PLPPR5: variants seen among roughly 807,000 people sequenced by gnomAD.
PLPPR5 encodes the protein phospholipid phosphatase-related protein type 5.
Under a neutral mutation model 33.9 loss-of-function variants are expected in PLPPR5, and 16 were observed. The observed-to-expected ratio is 0.47, with a 90% confidence interval of 0.32 to 0.72. The LOEUF is 0.72. Among genes scored for constraint, PLPPR5 ranks in the 30% least tolerant of loss-of-function variants. PLPPR5 has a pLI of 0.03. For missense variants in PLPPR5, 301 were observed against 406.7 expected (o/e 0.74, Z 2.23); for synonymous variants, 163 against 150.3 (o/e 1.08, Z -0.62).
intron 5 of PLPPR5, among the ~76,000 whole-genome samples, chr1:98,897,815 T>A (rs1484541881): frequency 6.6e-6 from 1 of 152,098 alleles, no homozygotes. Context: ...GAAATAGAGA[T>A]AAGAATACAT....
intron 3 of PLPPR5, among the ~76,000 whole-genome samples, chr1:98,947,645 G>A (rs1650606284): frequency 6.6e-6 from 1 of 152,158 alleles, no homozygotes; most frequent in African/African-American, 2.4e-5. Context: ...TGTGGGGAAA[G>A]GGAGACAGGG....
chr1:98,979,204 G>A (rs1651970972), intron 1 of PLPPR5, among the ~76,000 whole-genome samples: 1 of 151,994 alleles, frequency 6.6e-6, no homozygotes, highest in African/African-American at 2.4e-5. Context: ...ACTTCCTGAG[G>A]TCAGAAGAGC....
intron 1 of PLPPR5, among the ~76,000 whole-genome samples, chr1:98,992,507 CTG>C (rs1372195309): frequency 7.2e-5 from 11 of 152,078 alleles, no homozygotes; most frequent in Admixed American, 7.2e-4. Flanking sequence ...GAAAATCACA[CTG>C]TAAGAATTCA....
chr1:98,909,847 G>A (rs568625435), intron 5 of PLPPR5, among the ~76,000 whole-genome samples: 17 of 152,278 alleles, frequency 1.1e-4, no homozygotes, highest in Admixed American at 3.3e-4. Flanking sequence ...TTTAGTGGAC[G>A]TTGGGATGCA....
At chr1:98,999,545 G>A (rs1486668703) in intron 1 of PLPPR5, among the ~76,000 whole-genome samples, 1 of 152,136 alleles carries the variant, frequency 6.6e-6, no homozygotes, top group Admixed American at 6.6e-5. Context: ...CTAGTAAGTG[G>A]GAGAAACCAG....
intron 5 of PLPPR5, among the ~76,000 whole-genome samples, chr1:98,913,497 A>G (rs1182243501): frequency 6.6e-6 from 1 of 152,144 alleles, no homozygotes; most frequent in East Asian, 1.9e-4. Flanking sequence ...CTTGGTGCCT[A>G]TTACACCCCA....
At chr1:98,963,911 T>C (rs1651342013) in intron 1 of PLPPR5, among the ~76,000 whole-genome samples, 3 of 152,324 alleles carry the variant, frequency 2.0e-5, no homozygotes, top group Middle Eastern at 3.4e-3. Flanking sequence ...TCTAACTCCA[T>C]TGCAATTTTT....
intron 1 of PLPPR5, among the ~76,000 whole-genome samples, chr1:98,984,942 A>G (rs1289500244): frequency 6.6e-6 from 1 of 152,058 alleles, no homozygotes; most frequent in Admixed American, 6.6e-5. Context: ...TCTCCAAAAT[A>G]TATCTTTCTT....
intron 3 of PLPPR5, among the ~76,000 whole-genome samples, chr1:98,943,183 G>A (rs1278907993): frequency 1.3e-5 from 2 of 152,180 alleles, no homozygotes; most frequent in African/African-American, 2.4e-5. Flanking sequence ...TATGACATGA[G>A]GGTGGGTGCC....
intron 3 of PLPPR5, among the ~76,000 whole-genome samples, chr1:98,946,531 G>A (rs1413332079): frequency 6.6e-6 from 1 of 152,026 alleles, no homozygotes; most frequent in African/African-American, 2.4e-5. Context: ...CTTGTTCTTT[G>A]CCTTTGCTTC....
chr1:98,894,217 C>T (rs1280587205), intron 5 of PLPPR5, among the ~76,000 whole-genome samples: 1 of 151,934 alleles, frequency 6.6e-6, no homozygotes, highest in African/African-American at 2.4e-5. Context: ...TCCACTAACT[C>T]CTGGTAACAT....
intron 1 of PLPPR5, among the ~76,000 whole-genome samples, chr1:98,978,494 T>C (rs1427807170): frequency 6.6e-6 from 1 of 151,992 alleles, no homozygotes; most frequent in Non-Finnish European, 1.5e-5. Flanking sequence ...ACAGACTAAG[T>C]AGAAGAAACA....
Position 98,893,037 on chromosome 1 carries a change from A to G in PLPPR5, c.*35T>C. 1 of 1,604,204 alleles carries G rather than the reference A, an allele frequency of 6.2e-7. No individual in the cohort carries two copies. Among genetic ancestry groups the G allele is most frequent in the South Asian group, 1.1e-5 (1 of 90,340 alleles). On this transcript the variant is annotated 3_prime_UTR_variant, in exon 6 of 6. Coordinates refer to ENST00000263177, the MANE Select transcript of PLPPR5 (RefSeq NM_001037317.2). The stretch of plus-strand genomic sequence containing the variant: ...TATGAATGGATGGTAAAAAGGGATG[A>G]TGTCCAATGCAGTGAAAAACCATCT...
At chr1:98,903,269 C>T (rs963979843) in intron 5 of PLPPR5, among the ~76,000 whole-genome samples, 3 of 151,924 alleles carry the variant, frequency 2.0e-5, no homozygotes, top group African/African-American at 7.3e-5. Context: ...CTAACTATTC[C>T]AATATCTAAT....
chr1:98,956,637 C>A lies in PLPPR5; in HGVS notation c.342G>T (p.Pro114=). The change falls in exon 2 of 6, where the codon CCG becomes CCT. Residue 114 remains proline (P), a synonymous_variant. Coordinates refer to ENST00000263177, the MANE Select transcript of PLPPR5 (RefSeq NM_001037317.2). ...GAAATCGGACAGTTCGGCGCACCAG[C>A]GGGTTTATATAGCAACAGTCTCCAG... The part of the protein sequence containing the change: ...ILTGDCCYIN[P]LVRRTVRFLG... The A allele has an allele frequency of 6.3e-7, 1 of 1,590,782 alleles. No individual in the cohort carries two copies. The highest frequency in any genetic ancestry group is 8.5e-7 in the Non-Finnish European group (1 of 1,172,184).
Position 99,004,505 on chromosome 1 carries a change from C to T in PLPPR5, c.167G>A (p.Gly56Asp), listed in dbSNP as rs768138206. ...GGGCACGGCGCTGCTGTCCTCCGGGCCCGGGTAGGGTTTGCGGTAGGCGCT... is the reference window on the plus strand; with the variant it reads ...GGGCACGGCGCTGCTGTCCTCCGGGTCCGGGTAGGGTTTGCGGTAGGCGCT... The part of the protein sequence containing the change: ...HDSAYRKPYP[G>D]PEDSSAVPPV... The change falls in exon 1 of 6, where the codon GGC becomes GAC. Residue 56 changes from glycine (G) to aspartate (D), a missense_variant. By Grantham distance (94) the Gly-to-Asp change is moderately conservative. Transcript: ENST00000263177. 6.2e-7 allele frequency: 1 copy of T among 1,613,174 alleles called. No homozygotes were observed. The highest frequency in any genetic ancestry group is 1.7e-5 in the Admixed American group (1 of 60,004).
chr1:98,950,465 TAAAAC>T (rs1483320059), intron 3 of PLPPR5, among the ~76,000 whole-genome samples: 8 of 152,302 alleles, frequency 5.3e-5, no homozygotes, highest in African/African-American at 1.9e-4. Flanking sequence ...CAGAAGTTTA[TAAAAC>T]AAATACATGC....
chr1:98,938,786 TATGCAGCTGTAAAAATAAATGAG>T (rs1313284866), intron 3 of PLPPR5, among the ~76,000 whole-genome samples: 1 of 152,126 alleles, frequency 6.6e-6, no homozygotes, highest in East Asian at 1.9e-4. Flanking sequence ...CATGGAATAC[TATGCAGCTGTAAAAATAAATGAG>T]ATCATGTCCT....
chr1:98,997,654 G>A (rs79746559), intron 1 of PLPPR5, among the ~76,000 whole-genome samples: 4,263 of 152,094 alleles, frequency 0.028, 153 homozygotes, highest in East Asian at 0.2. Context: ...AGGAAAATCA[G>A]GAAAAAAAGT....
Sources: gnomAD v4.1 joint callset for allele counts (sites outside exome capture counted in the v4.1 genomes callset) on GRCh38, gnomAD v4.1.1 for gene constraint, MANE v1.5 for transcripts, NCBI Gene and HGNC (gene_info 2026-07-23, HGNC 2026-07-21) for gene names.